TRAF3IP1: variants seen among roughly 807,000 people sequenced by gnomAD.
TRAF3IP1 encodes the protein intraflagellar transport 54.
A neutral mutation model predicts 89.9 loss-of-function variants in TRAF3IP1; 53 were observed. The ratio of observed to expected loss-of-function variants is 0.59; its 90% CI spans 0.47 to 0.74. The LOEUF is 0.74. TRAF3IP1 is among the 30% of genes least tolerant of loss of function. The pLI is 0.00. For synonymous variants in TRAF3IP1, 311 were observed against 322.1 expected (o/e 0.97, Z 0.37); for missense variants, 806 against 866.1 (o/e 0.93, Z 0.87).
chr2:238,398,795 C>A lies in TRAF3IP1; in HGVS notation c.1952C>A (p.Ala651Glu), dbSNP rs201250604. The change falls in exon 17 of 17, where the codon GCG becomes GAG. Residue 651 changes from alanine (A) to glutamate (E), a missense_variant. Physicochemically the swap from Ala to Glu is moderately radical, Grantham distance 107 (BLOSUM62 -1). Coordinates refer to ENST00000373327, the MANE Select transcript of TRAF3IP1 (RefSeq NM_015650.4). ...GTGGAGCCCTTAAAGGCTGAGCTCG[C>A]GGAGCTGGAGCAGCTGATCAAAGAC... Reference protein sequence around the residue: ...CAVEPLKAELAELEQLIKDQQ... With the variant: ...CAVEPLKAELEELEQLIKDQQ... 2 of 1,611,882 alleles carry A rather than the reference C, an allele frequency of 1.2e-6. No individual in the cohort carries two copies. The highest frequency in any genetic ancestry group is 8.5e-7 in the Non-Finnish European group (1 of 1,179,356).
chr2:238,384,082 A>G (rs1700657222), intron 15 of TRAF3IP1, among the ~76,000 whole-genome samples: 1 of 151,856 alleles, frequency 6.6e-6, no homozygotes, highest in African/African-American at 2.4e-5. Context: ...CCCCATCTGG[A>G]TGCATCCTCC....
At chr2:238,389,639 T>C (rs1026683979) in intron 15 of TRAF3IP1, among the ~76,000 whole-genome samples, 7 of 142,636 alleles carry the variant, frequency 4.9e-5, no homozygotes, top group African/African-American at 1.2e-4. Context: ...TCTCAACTAC[T>C]TGGGAGGCTG....
chr2:238,383,620 T>A (rs1016208026), intron 15 of TRAF3IP1, among the ~76,000 whole-genome samples: 1 of 152,226 alleles, frequency 6.6e-6, no homozygotes, highest in African/African-American at 2.4e-5. Flanking sequence ...TTTCCTAAGG[T>A]AAATCTCAGA....
chr2:238,332,923 G>C (rs752190165), intron 6 of TRAF3IP1, 28 bp downstream of exon 6: 2 of 1,533,976 alleles, frequency 1.3e-6, no homozygotes, highest in South Asian at 2.3e-5. Flanking sequence ...ACTTTTAAGA[G>C]ATGTCAACTT....
intron 15 of TRAF3IP1, among the ~76,000 whole-genome samples, chr2:238,396,069 T>G (rs373963348): frequency 1.3e-5 from 2 of 152,060 alleles, no homozygotes; most frequent in African/African-American, 4.8e-5. Context: ...GCTATAAAGA[T>G]ACATGCACAC....
intron 8 of TRAF3IP1, among the ~76,000 whole-genome samples, chr2:238,343,426 G>A (rs6706017): frequency 0.12 from 17,691 of 151,810 alleles, 1,764 homozygotes; most frequent in African/African-American, 0.27. Context: ...CTTACATGCA[G>A]GCTGGAGAGT....
chr2:238,328,829 G>C lies in TRAF3IP1; in HGVS notation c.498G>C (p.Glu166Asp). The C allele has an allele frequency of 6.2e-7, 1 of 1,608,478 alleles. No individual in the cohort carries two copies. Among genetic ancestry groups the C allele is most frequent in the South Asian group, 1.1e-5 (1 of 89,702 alleles). Residue 166 changes from glutamate (E) to aspartate (D), a missense_variant and splice_region_variant, in exon 4 of 17, where the codon GAG becomes GAC. Physicochemically the swap from Glu to Asp is conservative, Grantham distance 45. Around this residue, in one of 3 missense-constraint regions of TRAF3IP1, gnomAD observed 732 missense variants for 780.5 expected, o/e 0.94. Transcript: ENST00000373327. The stretch of plus-strand genomic sequence containing the variant: ...AGTCCAGAGTTCACAAAAATACAGA[G>C]GTGAATTCCAAGTCGCACATCTTTG... ...EEESRVHKNT[E>D]DRGDAEIKER... is the part of the protein sequence containing the mutation.
intron 15 of TRAF3IP1, among the ~76,000 whole-genome samples, chr2:238,391,401 G>A (rs1420642918): frequency 6.6e-6 from 1 of 152,200 alleles, no homozygotes; most frequent in Non-Finnish European, 1.5e-5. Context: ...ATCTACATGA[G>A]CAACATATAA....
chr2:238,361,982 C>T (rs544661618), intron 15 of TRAF3IP1, among the ~76,000 whole-genome samples: 165 of 152,338 alleles, frequency 1.1e-3, no homozygotes, highest in African/African-American at 3.8e-3. Flanking sequence ...TGGCTCTCCA[C>T]CTTCATCCGA....
chr2:238,371,395 T>G (rs1005037343), intron 15 of TRAF3IP1, among the ~76,000 whole-genome samples: 8 of 152,236 alleles, frequency 5.3e-5, no homozygotes, highest in African/African-American at 1.9e-4. Context: ...TGCTGTAGAC[T>G]TCTCTGTGGC....
chr2:238,359,177 T>G (rs941261036), intron 15 of TRAF3IP1, among the ~76,000 whole-genome samples: 1 of 152,356 alleles, frequency 6.6e-6, no homozygotes, highest in African/African-American at 2.4e-5. Context: ...ACACAGATCT[T>G]TAGTTTCACC....
chr2:238,334,146 TGCTGTGTCTGGGAATGAACA>T (rs1698269662), intron 7 of TRAF3IP1, 111 bp downstream of exon 7: 2 of 826,500 alleles, frequency 2.4e-6, no homozygotes, highest in Admixed American at 5.3e-5. Context: ...AAAACAGACT[TGCTGTGTCTGGGAATGAACA>T]GCGTGTGGAA....
intron 8 of TRAF3IP1, among the ~76,000 whole-genome samples, chr2:238,341,982 T>TTTTTA (rs1234804949): frequency 4.6e-5 from 7 of 152,098 alleles, no homozygotes; most frequent in Non-Finnish European, 1.0e-4. Flanking sequence ...TTCATAGTCA[T>TTTTTA]TTTTATTTTA....
At position 238,320,860 on chromosome 2, in the gene TRAF3IP1, G is replaced by A. The variant is rs767980931; in HGVS notation, c.123+75G>A. 4.2e-6 allele frequency: 5 copies of A among 1,186,818 alleles called. No individual in the cohort carries two copies. The South Asian group carries it at 1.6e-4, about 39-fold the overall frequency. The allele number at this position is 1,186,818 out of a possible 1,614,324, so 73.5% of individuals were successfully genotyped here. ...GGCGCCGAGGTCAGGGCCCGGGCCG[G>A]GTGGCGCCGGGTGCGAGCCGGGCTC... On this transcript the variant is annotated intron_variant, in intron 1 of 16. Coordinates refer to ENST00000373327, the MANE Select transcript of TRAF3IP1 (RefSeq NM_015650.4).
At chr2:238,338,325 AT>A in intron 7 of TRAF3IP1, 36 bp from the exon 8 acceptor site, 1 of 1,127,842 alleles carries the variant, frequency 8.9e-7, no homozygotes, top group Non-Finnish European at 1.2e-6. Context: ...AAAATCTTTT[AT>A]AATATTTTAA....
chr2:238,337,886 A>G (rs920416981), intron 7 of TRAF3IP1, among the ~76,000 whole-genome samples: 1 of 152,214 alleles, frequency 6.6e-6, no homozygotes, highest in Non-Finnish European at 1.5e-5. Context: ...ACAGCTGGAT[A>G]TATTGACTTG....
chr2:238,328,210 A>G (rs1178978921), intron 3 of TRAF3IP1, among the ~76,000 whole-genome samples: 1 of 152,146 alleles, frequency 6.6e-6, no homozygotes, highest in African/African-American at 2.4e-5. Flanking sequence ...CCAACAGTGC[A>G]TGAGAGCTTC....
At chr2:238,364,654 A>G (rs548428598) in intron 15 of TRAF3IP1, among the ~76,000 whole-genome samples, 21 of 152,192 alleles carry the variant, frequency 1.4e-4, no homozygotes, top group Admixed American at 3.9e-4. Flanking sequence ...AATTATTAAT[A>G]AATATGATTT....
chr2:238,394,863 C>T lies in TRAF3IP1; in HGVS notation c.1690-2596C>T, dbSNP rs1282147304. On this transcript the variant is annotated intron_variant, in intron 15 of 16. Transcript: ENST00000373327. ...AGAGCTTATGTGAATCACAGTGAAT[C>T]TAGGCACAAGGTCCTGCCCTCCTGA... is the stretch of plus-strand genomic sequence containing the variant. Among the ~76,000 whole-genome samples, 4 of 152,198 alleles carry T rather than the reference C, an allele frequency of 2.6e-5. No homozygotes were observed. The East Asian group carries it at 7.7e-4, about 29-fold the overall frequency.
Sources: allele counts gnomAD v4.1 joint callset (sites outside exome capture counted in the v4.1 genomes callset), GRCh38; gene constraint gnomAD v4.1.1; regional missense constraint gnomAD v4.1.1; transcripts MANE v1.5; gene names NCBI Gene and HGNC (gene_info 2026-07-23, HGNC 2026-07-21).